AGBL1: variants seen among roughly 807,000 people sequenced by gnomAD.
The protein encoded by AGBL1 is cytosolic carboxypeptidase 4.
A neutral mutation model predicts 118.9 loss-of-function variants in AGBL1; 130 were observed. The ratio of observed to expected loss-of-function variants is 1.09; its 90% CI spans 0.95 to 1.26. The LOEUF is 1.26. Among genes scored for constraint, AGBL1 ranks in the 50% most tolerant of loss-of-function variants. The probability of loss-of-function intolerance (pLI) is 0.00; values close to 1 mark genes in which losing one functional copy is unlikely to be tolerated. For synonymous variants in AGBL1, 555 were observed against 478.9 expected (o/e 1.16, Z -2.08); for missense variants, 1,584 against 1,298.1 (o/e 1.22, Z -3.38).
At chr15:86,812,592 C>G (rs1343157896) in intron 22 of AGBL1, among the ~76,000 whole-genome samples, 2 of 152,122 alleles carry the variant, frequency 1.3e-5, no homozygotes, top group Non-Finnish European at 2.9e-5. Context: ...CAGTGGTGAT[C>G]CTGGTACGTG....
chr15:86,995,882 T>A (rs1019557192), intron 24 of AGBL1, among the ~76,000 whole-genome samples: 9 of 152,196 alleles, frequency 5.9e-5, no homozygotes, highest in African/African-American at 2.2e-4. Flanking sequence ...AGGAGTGTAT[T>A]TTCTCCAGCC....
At chr15:86,964,880 T>G (rs1386299012) in intron 23 of AGBL1, among the ~76,000 whole-genome samples, 1 of 151,710 alleles carries the variant, frequency 6.6e-6, no homozygotes, top group Non-Finnish European at 1.5e-5. Flanking sequence ...CAACATGCAG[T>G]GTTTGGTTTT....
chr15:86,552,811 A>T (rs1449764776), intron 20 of AGBL1, among the ~76,000 whole-genome samples: 1 of 152,184 alleles, frequency 6.6e-6, no homozygotes, highest in Non-Finnish European at 1.5e-5. Flanking sequence ...GCAATTGTAG[A>T]CACTCAAGTG....
At chr15:86,541,645 C>G (rs1022553873) in intron 19 of AGBL1, among the ~76,000 whole-genome samples, 1 of 144,852 alleles carries the variant, frequency 6.9e-6, no homozygotes, top group Non-Finnish European at 1.5e-5. Flanking sequence ...ACCCACTGCT[C>G]TAAAGTCTAG....
intron 24 of AGBL1, among the ~76,000 whole-genome samples, chr15:86,992,664 T>G (rs1185899510): frequency 1.3e-5 from 2 of 151,638 alleles, no homozygotes; most frequent in Non-Finnish European, 2.9e-5. Context: ...GGCTGCTGTT[T>G]CCCTGGGTCT....
intron 18 of AGBL1, among the ~76,000 whole-genome samples, chr15:86,404,910 G>C (rs2081501743): frequency 6.6e-6 from 1 of 152,168 alleles, no homozygotes; most frequent in South Asian, 2.1e-4. Context: ...TCCAGGAACA[G>C]GGAAAATTCT....
At chr15:86,217,648 G>A (rs72752173) in intron 5 of AGBL1, among the ~76,000 whole-genome samples, 2,166 of 152,292 alleles carry the variant, frequency 0.014, 18 homozygotes, top group Middle Eastern at 0.061. Flanking sequence ...GTAAAGAAGG[G>A]GAGAAAGGCC....
intron 17 of AGBL1, among the ~76,000 whole-genome samples, chr15:86,390,701 C>CTTTTTTTTTTTTTT (rs1555477580): frequency 3.9e-5 from 3 of 76,770 alleles, no homozygotes; most frequent in Non-Finnish European, 2.3e-5. Flanking sequence ...CAGAGTTTTG[C>CTTTTTTTTTTTTTT]TCTTGTCACC....
In AGBL1 at chr15:86,438,291, A is replaced by T. The variant is rs1469825529; in HGVS notation, c.2555+40745A>T. Among the ~76,000 whole-genome samples the T allele has an allele frequency of 2.0e-5, 3 of 152,238 alleles. No individual in the cohort carries two copies. In the South Asian group the frequency reaches 6.2e-4, roughly 32 times the overall value. ...CTAAACTAGGTAAGAGAGATCTGAC[A>T]TGAAATGCTCAATATACCTAAGTTC... is the stretch of plus-strand genomic sequence containing the variant. On this transcript the variant is annotated intron_variant, in intron 18 of 22. Transcript: ENST00000614907.
chr15:86,603,731 T>C (rs2084531949), intron 21 of AGBL1, among the ~76,000 whole-genome samples: 1 of 152,210 alleles, frequency 6.6e-6, no homozygotes, highest in East Asian at 1.9e-4. Context: ...AAAGTTTAAT[T>C]ACTTCTACTG....
chr15:86,634,609 A>G (rs1344828661), intron 21 of AGBL1, among the ~76,000 whole-genome samples: 3 of 152,184 alleles, frequency 2.0e-5, no homozygotes, highest in African/African-American at 7.2e-5. Flanking sequence ...TGAGGTGATG[A>G]AAATTTTCTA....
At chr15:86,324,517 T>C (rs1300886482) in intron 17 of AGBL1, among the ~76,000 whole-genome samples, 1 of 151,460 alleles carries the variant, frequency 6.6e-6, no homozygotes, top group Non-Finnish European at 1.5e-5. Flanking sequence ...CATTCATTCA[T>C]TAGTTTATAT....
intron 22 of AGBL1, among the ~76,000 whole-genome samples, chr15:86,888,022 A>G (rs1012495982): frequency 3.9e-5 from 6 of 152,028 alleles, no homozygotes; most frequent in Non-Finnish European, 8.8e-5. Flanking sequence ...ATCTCTCACC[A>G]CTCCGGCTGC....
chr15:86,839,299 C>T (rs1305981251), intron 22 of AGBL1, among the ~76,000 whole-genome samples: 1 of 152,216 alleles, frequency 6.6e-6, no homozygotes, highest in African/African-American at 2.4e-5. Flanking sequence ...TTTCTACATA[C>T]ATTCTAGTGA....
intron 22 of AGBL1, among the ~76,000 whole-genome samples, chr15:86,675,345 G>A (rs1451340767): frequency 6.6e-6 from 1 of 152,100 alleles, no homozygotes; most frequent in Non-Finnish European, 1.5e-5. Context: ...GTTCCTGTTA[G>A]GTGGCTGTTG....
chr15:86,672,306 A>AT (rs918338398), intron 21 of AGBL1, among the ~76,000 whole-genome samples: 2 of 152,094 alleles, frequency 1.3e-5, no homozygotes, highest in Admixed American at 6.6e-5. Flanking sequence ...GGGGCATCAA[A>AT]TTTTTTTTAC....
At chr15:86,926,911 C>T (rs1288154756) in intron 23 of AGBL1, among the ~76,000 whole-genome samples, 7 of 151,844 alleles carry the variant, frequency 4.6e-5, no homozygotes, top group East Asian at 2.0e-4. Flanking sequence ...GAGGCCAAGG[C>T]GGGTGGATCC....
chr15:86,235,741 AT>A (rs1191306659), intron 6 of AGBL1, among the ~76,000 whole-genome samples: 3 of 152,240 alleles, frequency 2.0e-5, no homozygotes, highest in African/African-American at 7.2e-5. Context: ...TAATTATTCT[AT>A]AACAGTAGTT....
chr15:86,961,953 T>C (rs1423743241), intron 23 of AGBL1, among the ~76,000 whole-genome samples: 5 of 152,082 alleles, frequency 3.3e-5, no homozygotes, highest in Non-Finnish European at 7.4e-5. Context: ...ACTGACTTTA[T>C]AGAGTAATGT....
Sources: allele counts gnomAD v4.1 joint callset (sites outside exome capture counted in the v4.1 genomes callset), GRCh38; gene constraint gnomAD v4.1.1; transcripts MANE v1.5; gene names NCBI Gene and HGNC (gene_info 2026-07-23, HGNC 2026-07-21).